Variants in PCF11 observed in about 807,000 individuals in gnomAD.
PCF11 encodes PCF11 cleavage and polyadenylation factor subunit.
PCF11 carries 19 observed loss-of-function variants against 166.1 expected under a neutral mutation model. The ratio of observed to expected loss-of-function variants is 0.11; its 90% CI spans 0.08 to 0.17. The LOEUF is 0.17. Among genes scored for constraint, PCF11 ranks in the 10% least tolerant of loss-of-function variants. The probability of loss-of-function intolerance (pLI) is 1.00; values close to 1 mark genes in which losing one functional copy is unlikely to be tolerated. For synonymous variants in PCF11, 663 were observed against 644.1 expected (o/e 1.03, Z -0.44); for missense variants, 1,565 against 1,855.5 (o/e 0.84, Z 2.88).
chr11:83,172,909 T>TTTA (rs1860736384), intron 9 of PCF11, among the ~76,000 whole-genome samples: 1 of 152,234 alleles, frequency 6.6e-6, no homozygotes, highest in Non-Finnish European at 1.5e-5. Context: ...CAAGCTCTTT[T>TTTA]TTATACATTA....
exon 8 of PCF11, chr11:83,168,537 C>T (rs201967705): frequency 3.2e-5 from 52 of 1,613,978 alleles, no homozygotes; most frequent in South Asian, 6.6e-5. Flanking sequence ...CAAGATTCGC[C>T]GGCCTGGATA....
intron 15 of PCF11, 87 bp from the exon 16 acceptor site, chr11:83,184,592 T>C (rs12272947): frequency 0.12 from 104,261 of 859,888 alleles, 13,890 homozygotes; most frequent in African/African-American, 0.59. Context: ...GTTCTCTTGT[T>C]CATACAAGGG....
At chr11:83,184,948 G>T in exon 16 of PCF11, 1 of 1,252,020 alleles carries the variant, frequency 8.0e-7, no homozygotes, top group Non-Finnish European at 1.1e-6. Flanking sequence ...GTTGGATCTA[G>T]AAGGTGAAGA....
At chr11:83,178,296 A>G (rs1245682625) in intron 11 of PCF11, among the ~76,000 whole-genome samples, 1 of 152,042 alleles carries the variant, frequency 6.6e-6, no homozygotes, top group African/African-American at 2.4e-5. Context: ...CTGGGATTAC[A>G]GGTGTGAGCC....
intron 8 of PCF11, chr11:83,171,209 TCTTTTACAAGAC>T: frequency 2.4e-6 from 1 of 413,750 alleles, no homozygotes; most frequent in Middle Eastern, 3.5e-4. Context: ...CCCTTTGACA[TCTTTTACAAGAC>T]CTTTTACAAG....
chr11:83,169,153 G>A (rs975165511), exon 8 of PCF11: 1 of 1,613,018 alleles, frequency 6.2e-7, no homozygotes, highest in Admixed American at 1.7e-5. Flanking sequence ...GCCAGGAGGT[G>A]GAATCAGATT....
At chr11:83,168,399 G>A in intron 7 of PCF11, 29 bp from the exon 8 acceptor site, 1 of 1,530,476 alleles carries the variant, frequency 6.5e-7, no homozygotes, top group South Asian at 1.3e-5. Context: ...GATAACTTTA[G>A]TGAAAATAAT....
chr11:83,161,501 C>T, intron 2 of PCF11, 49 bp downstream of exon 2: 4 of 1,357,744 alleles, frequency 2.9e-6, no homozygotes, highest in South Asian at 1.4e-5. Context: ...AAAATGTGTT[C>T]CTGATTAAAT....
chr11:83,177,301 A>C, intron 10 of PCF11, 97 bp downstream of exon 10: 1 of 915,654 alleles, frequency 1.1e-6, no homozygotes, highest in Non-Finnish European at 1.5e-6. Context: ...AAAGGTCCTT[A>C]CAATAATTGA....
intron 11 of PCF11, among the ~76,000 whole-genome samples, chr11:83,179,040 AAT>A (rs1860989821): frequency 6.6e-6 from 1 of 152,114 alleles, no homozygotes; most frequent in Admixed American, 6.5e-5. Flanking sequence ...TAAAAAATAA[AAT>A]AGTGAATGAG....
chr11:83,163,174 T>TA (rs1225364036), intron 2 of PCF11, among the ~76,000 whole-genome samples: 2 of 152,240 alleles, frequency 1.3e-5, no homozygotes, highest in African/African-American at 2.4e-5. Flanking sequence ...TTTCAGTTGT[T>TA]AAAGTGCTTT....
At chr11:83,169,831 A>G in exon 8 of PCF11, 1 of 1,613,760 alleles carries the variant, frequency 6.2e-7, no homozygotes, top group African/African-American at 1.3e-5. Flanking sequence ...TCAAGGACCA[A>G]ATTTTAATGG....
exon 8 of PCF11, chr11:83,168,535 G>T: frequency 6.2e-7 from 1 of 1,613,970 alleles, no homozygotes; most frequent in Non-Finnish European, 8.5e-7. Context: ...ATCAAGATTC[G>T]CCGGCCTGGA....
At chr11:83,169,617 T>C (rs1421476323) in exon 8 of PCF11, 1 of 1,614,022 alleles carries the variant, frequency 6.2e-7, no homozygotes, top group Non-Finnish European at 8.5e-7. Context: ...CTCAAAGATT[T>C]GATGGTCCAC....
intron 9 of PCF11, among the ~76,000 whole-genome samples, chr11:83,173,380 A>C (rs1860755802): frequency 6.6e-6 from 1 of 152,044 alleles, no homozygotes; most frequent in Admixed American, 6.6e-5. Context: ...GCTTGAACCC[A>C]GGAGGTGGAG....
rs756069426 is a variant in PCF11 at position 83,177,773 on chromosome 11, C to G, written c.3937C>G (p.Gln1313Glu). The G allele has an allele frequency of 1.1e-5, 17 of 1,541,316 alleles. No individual in the cohort carries two copies. The South Asian group carries it at 2.0e-4, about 19-fold the overall frequency. The stretch of plus-strand genomic sequence containing the variant: ...AGAGGAGGAAGATCAAAATGAAGAT[C>G]AAGATGTTCCAGATCTTACTAATTT... The change falls in exon 11 of 16, where the codon CAA (glutamine) becomes GAA (glutamate). Residue 1313 changes from glutamine (Q) to glutamate (E), a missense_variant. Gln to Glu is a conservative substitution (Grantham distance 29, BLOSUM62 2). This residue lies in a region of PCF11 where 725 missense variants were observed against 749.3 expected (regional missense o/e 0.97). Coordinates refer to ENST00000298281, the Ensembl canonical transcript of PCF11.
chr11:83,157,284 CCT>C (rs1202474563), exon 1 of PCF11: 4 of 652,314 alleles, frequency 6.1e-6, no homozygotes, highest in Non-Finnish European at 7.9e-6. Flanking sequence ...CGAGGTTCCC[CCT>C]GTGTCGTCCC....
rs771904146 is a variant in PCF11 at position 83,167,215 on chromosome 11, C to T, written c.1908C>T (p.Ala636=). The change falls in exon 6 of 16, where the codon GCC becomes GCT. Residue 636 remains alanine, a synonymous_variant. Coordinates refer to ENST00000298281, the Ensembl canonical transcript of PCF11. The surrounding 1 kb of genome is among the most constrained non-coding windows in gnomAD (Gnocchi z 4.2). The stretch of plus-strand genomic sequence containing the variant: ...CTAAAGGAATTTTATCACCTCGAGC[C>T]CCAAAGCAGCAACAGCATCGATTAA... 1 of 1,613,660 alleles carries T rather than the reference C, an allele frequency of 6.2e-7. No homozygotes were observed. The highest frequency in any genetic ancestry group is 8.5e-7 in the Non-Finnish European group (1 of 1,179,674).
At chr11:83,182,948 C>CT in intron 14 of PCF11, 90 bp from the exon 15 acceptor site, 1 of 824,314 alleles carries the variant, frequency 1.2e-6, no homozygotes, top group Middle Eastern at 2.2e-4. Flanking sequence ...TTTCCAAAGA[C>CT]TATCTTCTGG....
Sources: gnomAD v4.1 joint callset for allele counts (sites outside exome capture counted in the v4.1 genomes callset) on GRCh38, gnomAD v4.1.1 for gene constraint, gnomAD v4.1.1 regional missense constraint, Gnocchi (gnomAD v3.1) non-coding constraint, MANE v1.5 for transcripts, NCBI Gene and HGNC (gene_info 2026-07-23, HGNC 2026-07-21) for gene names.